EPB41L1: variants seen among roughly 807,000 people sequenced by gnomAD.
The protein encoded by EPB41L1 is erythrocyte membrane protein band 4.1 like 1, also known as band 4.1-like protein 1.
Under a neutral mutation model 97.8 loss-of-function variants are expected in EPB41L1, and 29 were observed. That is an observed-to-expected ratio of 0.30 (90% CI 0.22 to 0.40). EPB41L1 has a LOEUF of 0.40. Among genes scored for constraint, EPB41L1 ranks in the 10% least tolerant of loss-of-function variants. EPB41L1 has a pLI of 1.00. For synonymous variants in EPB41L1, 383 were observed against 459.2 expected, an observed-to-expected ratio of 0.83 and a Z score of 2.12; for missense variants, 812 against 1,162.3, an observed-to-expected ratio of 0.70 and a Z score of 4.38.
rs758075124 is a variant in EPB41L1 at position 36,206,899 on chromosome 20, G to A, written c.1669-2589G>A. ...GCACCCTCCTCACAGAGGACAGGGC[G>A]TGCATCCCGACCCCCAGGCCTGCGC... is the stretch of plus-strand genomic sequence containing the variant. On this transcript the variant is annotated intron_variant, in intron 14 of 21. Transcript: ENST00000338074. The surrounding 1 kb of genome is among the most constrained non-coding windows in gnomAD (Gnocchi z 5.5). 59 of 1,289,920 alleles carry A rather than the reference G, an allele frequency of 4.6e-5. No homozygotes were observed. The highest frequency in any genetic ancestry group is 1.6e-4 in the Admixed American group (7 of 43,578). 79.9% of individuals were successfully genotyped at this position (1,289,920 alleles called of 1,614,324 possible). A position where few individuals can be genotyped will look rare whatever the true frequency, so the allele number is the denominator to read the frequency against.
chr20:36,144,836 A>G (rs531675131), intron 2 of EPB41L1, among the ~76,000 whole-genome samples: 1 of 152,354 alleles, frequency 6.6e-6, no homozygotes, highest in East Asian at 1.9e-4. Context: ...AGATATTTAC[A>G]TGTATTAGCT....
At chr20:36,199,959 TAAA>T (rs1421995240) in intron 14 of EPB41L1, among the ~76,000 whole-genome samples, 3 of 152,028 alleles carry the variant, frequency 2.0e-5, no homozygotes, top group Non-Finnish European at 4.4e-5. Context: ...TGGGTCTTAG[TAAA>T]AGGTGGAATC....
chr20:36,205,141 G>T (rs2062728481), intron 14 of EPB41L1, among the ~76,000 whole-genome samples: 1 of 152,142 alleles, frequency 6.6e-6, no homozygotes. Flanking sequence ...GTGGTCATGT[G>T]GTATCTCCAT....
intron 2 of EPB41L1, among the ~76,000 whole-genome samples, chr20:36,130,273 C>G (rs2059147645): frequency 7.4e-6 from 1 of 135,280 alleles, no homozygotes; most frequent in Non-Finnish European, 1.6e-5. Context: ...TTAATTAAAA[C>G]CATAATAACA....
chr20:36,170,727 C>T (rs553323788), intron 1 of EPB41L1, among the ~76,000 whole-genome samples: 3 of 152,064 alleles, frequency 2.0e-5, no homozygotes, highest in South Asian at 4.2e-4. Context: ...GGAGAGTGGG[C>T]GGAGGAACCA....
In EPB41L1 at chr20:36,209,528, C is replaced by T. The variant is rs761599879; in HGVS notation, c.1709C>T (p.Pro570Leu). The change falls in exon 15 of 22, where the codon CCA becomes CTA. Residue 570 changes from proline (P) to leucine (L), a missense_variant. Physicochemically the swap from Pro to Leu is moderately conservative, Grantham distance 98. Around this residue, in one of 3 missense-constraint regions of EPB41L1, gnomAD observed 498 missense variants for 622.7 expected, o/e 0.80. Transcript: ENST00000338074. The surrounding 1 kb of genome is among the most constrained non-coding windows in gnomAD (Gnocchi z 4.2). ...GAGGGCTCCGAGGAGAAAGTCAAACCACCACGTCCCCGGGCCCCAGAGAGT... is the reference window on the plus strand; with the variant it reads ...GAGGGCTCCGAGGAGAAAGTCAAACTACCACGTCCCCGGGCCCCAGAGAGT... Reference protein sequence around the residue: ...LREGSEEKVKPPRPRAPESDT... With the variant: ...LREGSEEKVKLPRPRAPESDT... The T allele has an allele frequency of 3.1e-6, 5 of 1,613,986 alleles. No homozygotes were observed. The Admixed American group carries it at 5.0e-5, about 16-fold the overall frequency.
intron 1 of EPB41L1, among the ~76,000 whole-genome samples, chr20:36,104,447 A>G (rs955319547): frequency 1.3e-5 from 2 of 152,190 alleles, no homozygotes; most frequent in Non-Finnish European, 2.9e-5. Context: ...TGTTTTGCCA[A>G]GAAGAATTTG....
chr20:36,219,346 G>A (rs146171443), intron 18 of EPB41L1, among the ~76,000 whole-genome samples: 296 of 152,310 alleles, frequency 1.9e-3, no homozygotes, highest in Middle Eastern at 6.8e-3. Flanking sequence ...CCCTGAGTCT[G>A]TCACTGTAGG....
chr20:36,191,306 A>G (rs2061938984), intron 11 of EPB41L1, among the ~76,000 whole-genome samples: 1 of 152,100 alleles, frequency 6.6e-6, no homozygotes, highest in African/African-American at 2.4e-5. Context: ...GTTCTTGGTC[A>G]TTCTTTTGGT....
At chr20:36,100,966 TG>T (rs2057995187) in intron 1 of EPB41L1, among the ~76,000 whole-genome samples, 1 of 152,148 alleles carries the variant, frequency 6.6e-6, no homozygotes, top group Non-Finnish European at 1.5e-5. Context: ...TGCATCGGTA[TG>T]GGGGGTGGTG....
rs1273298744 is a variant in EPB41L1 at position 36,212,187 on chromosome 20, C to G, written c.2080-85C>G. 7.8e-7 allele frequency: 1 copy of G among 1,288,272 alleles called. No individual in the cohort carries two copies. The highest frequency in any genetic ancestry group is 1.1e-6 in the Non-Finnish European group (1 of 886,480). The allele number at this position is 1,288,272 out of a possible 1,614,324, so 79.8% of individuals were successfully genotyped here. On this transcript the variant is annotated intron_variant, in intron 15 of 21. Transcript: ENST00000338074. The surrounding 1 kb of genome is among the most constrained non-coding windows in gnomAD (Gnocchi z 4.8). ...GCCAGCTGTGGGGATAGGAGATAGCCTGCAGACACCACACTGCAATTGTCT... is the reference window on the plus strand; with the variant it reads ...GCCAGCTGTGGGGATAGGAGATAGCGTGCAGACACCACACTGCAATTGTCT...
chr20:36,203,883 G>C lies in EPB41L1; in HGVS notation c.1669-5605G>C, dbSNP rs150968256. 6.7e-3 allele frequency among the ~76,000 whole-genome samples: 1,017 copies of C among 152,248 alleles called. 8 individuals carry two copies. Among genetic ancestry groups the C allele is most frequent in the African/African-American group, 0.023 (963 of 41,532 alleles). The stretch of plus-strand genomic sequence containing the variant: ...GACAGAGGGTTTATGATGCTCTCTT[G>C]AGCCTTCAAAATGTTTCAGATCTTA... On this transcript the variant is annotated intron_variant, in intron 14 of 21. Coordinates refer to ENST00000338074, the MANE Select transcript of EPB41L1 (RefSeq NM_012156.2).
intron 1 of EPB41L1, among the ~76,000 whole-genome samples, chr20:36,106,432 A>G (rs142300316): frequency 9.9e-4 from 151 of 152,312 alleles, no homozygotes; most frequent in African/African-American, 3.4e-3. Context: ...GGCCTAGTCA[A>G]AGCTGGGTGA....
chr20:36,221,287 A>C (rs1269437143), intron 19 of EPB41L1, among the ~76,000 whole-genome samples: 2 of 152,236 alleles, frequency 1.3e-5, no homozygotes, highest in East Asian at 3.8e-4. Flanking sequence ...AAGTATCATC[A>C]ATCCAATTTT....
chr20:36,147,995 A>T (rs930581508), intron 2 of EPB41L1, among the ~76,000 whole-genome samples: 2 of 152,026 alleles, frequency 1.3e-5, no homozygotes, highest in Admixed American at 6.5e-5. Flanking sequence ...AAGCATGGGG[A>T]CCTATTAAGA....
Position 36,154,946 on chromosome 20 carries a change from A to G in EPB41L1, c.-15+50A>G, listed in dbSNP as rs890771896. 10 of 1,148,378 alleles carry G rather than the reference A, an allele frequency of 8.7e-6. No individual in the cohort carries two copies. The South Asian group carries it at 1.5e-4, about 17-fold the overall frequency. 71.1% of individuals were successfully genotyped at this position (1,148,378 alleles called of 1,614,324 possible). ...GCTCTCGGGGCCGGGGGCTTGCAACATCTAGGCCCAGCCTCCAGCCCTGGG... is the reference window on the plus strand; with the variant it reads ...GCTCTCGGGGCCGGGGGCTTGCAACGTCTAGGCCCAGCCTCCAGCCCTGGG... On this transcript the variant is annotated intron_variant, in intron 1 of 21. Coordinates refer to ENST00000338074, the MANE Select transcript of EPB41L1 (RefSeq NM_012156.2). The surrounding 1 kb of genome is among the most constrained non-coding windows in gnomAD (Gnocchi z 5.5).
chr20:36,203,698 G>A (rs1013511287), intron 14 of EPB41L1, among the ~76,000 whole-genome samples: 1 of 152,236 alleles, frequency 6.6e-6, no homozygotes, highest in African/African-American at 2.4e-5. Flanking sequence ...TTCAGGAGCT[G>A]TGGTCCTGAA....
chr20:36,227,951 C>T (rs999030473), intron 21 of EPB41L1, among the ~76,000 whole-genome samples: 1 of 152,220 alleles, frequency 6.6e-6, no homozygotes, highest in African/African-American at 2.4e-5. Flanking sequence ...TGCCTAGCTT[C>T]CTAACCTTCC....
intron 1 of EPB41L1, among the ~76,000 whole-genome samples, chr20:36,104,859 G>A (rs953797522): frequency 2.6e-5 from 4 of 152,274 alleles, no homozygotes; most frequent in South Asian, 2.1e-4. Context: ...CTGGCCTCGC[G>A]CGCTCTGGAT....
Sources: gnomAD v4.1 joint callset for allele counts (sites outside exome capture counted in the v4.1 genomes callset) on GRCh38, gnomAD v4.1.1 for gene constraint, gnomAD v4.1.1 regional missense constraint, Gnocchi (gnomAD v3.1) non-coding constraint, MANE v1.5 for transcripts, NCBI Gene and HGNC (gene_info 2026-07-23, HGNC 2026-07-21) for gene names.